CCDC146: variants seen among roughly 807,000 people sequenced by gnomAD.
CCDC146 encodes coiled-coil domain-containing protein 146.
A neutral mutation model predicts 119.3 loss-of-function variants in CCDC146; 92 were observed. The observed-to-expected ratio is 0.77, with a 90% confidence interval of 0.65 to 0.92. The LOEUF (loss-of-function observed/expected upper bound fraction) is 0.92, where lower values mean the gene tolerates loss of function less well. Ranked by LOEUF, CCDC146 falls within the 40% of genes least tolerant of loss-of-function variation. The pLI is 0.00. For missense variants in CCDC146, 1,000 were observed against 1,103.0 expected (o/e 0.91, Z 1.32); for synonymous variants, 372 against 371.8 (o/e 1.00, Z -0.01).
chr7:77,270,952 C>T (rs775176446), intron 9 of CCDC146, among the ~76,000 whole-genome samples: 1 of 152,000 alleles, frequency 6.6e-6, no homozygotes, highest in South Asian at 2.1e-4. Flanking sequence ...AGGACCCCTC[C>T]TCACAGACTT....
At chr7:77,178,485 G>T (rs1584045218) in intron 2 of CCDC146, among the ~76,000 whole-genome samples, 1 of 152,240 alleles carries the variant, frequency 6.6e-6, no homozygotes, top group South Asian at 2.1e-4. Context: ...TACCCTCAGT[G>T]GCCCATCTGT....
intron 1 of CCDC146, among the ~76,000 whole-genome samples, chr7:77,166,750 G>A (rs1472326717): frequency 6.6e-6 from 1 of 152,018 alleles, no homozygotes; most frequent in Non-Finnish European, 1.5e-5. Flanking sequence ...GTAACCTTCA[G>A]AGAACATTTT....
In CCDC146 at chr7:77,274,679, TGATAACTAC is replaced by T. The variant is rs764770936; in HGVS notation, c.1440+28_1440+36del. The T allele has an allele frequency of 6.9e-6, 11 of 1,588,026 alleles. No individual in the cohort carries two copies. In the African/African-American group the frequency reaches 1.4e-4, roughly 20 times the overall value. On this transcript the variant is annotated intron_variant, in intron 11 of 18. Coordinates refer to ENST00000285871, the MANE Select transcript of CCDC146 (RefSeq NM_020879.3). Reference sequence around the variant, plus strand: ...TAACTGCATTTTTTTAACCATTCATTGATAACTACAAGAGTTCAGGGTAGCCTCATTATA... The same window carrying T: ...TAACTGCATTTTTTTAACCATTCATTAAGAGTTCAGGGTAGCCTCATTATA...
At chr7:77,224,026 T>C (rs1792456246) in intron 2 of CCDC146, among the ~76,000 whole-genome samples, 1 of 152,120 alleles carries the variant, frequency 6.6e-6, no homozygotes, top group Non-Finnish European at 1.5e-5. Flanking sequence ...TCCAAGTAGA[T>C]AAGAAGAGAG....
chr7:77,197,862 T>G (rs1791904795), intron 2 of CCDC146, among the ~76,000 whole-genome samples: 1 of 152,178 alleles, frequency 6.6e-6, no homozygotes, highest in Non-Finnish European at 1.5e-5. Flanking sequence ...ATATTGAGGA[T>G]AAGCATAATA....
intron 1 of CCDC146, among the ~76,000 whole-genome samples, chr7:77,125,528 AATTTTAAAGC>A (rs374595301): frequency 4.0e-4 from 60 of 151,492 alleles, no homozygotes; most frequent in Middle Eastern, 3.2e-3. Context: ...ATAAGAAAAC[AATTTTAAAGC>A]ATTTCTTAGC....
chr7:77,276,752 GGAGAGGA>G (rs1299923158), intron 11 of CCDC146, among the ~76,000 whole-genome samples: 5 of 152,192 alleles, frequency 3.3e-5, no homozygotes, highest in Admixed American at 1.3e-4. Context: ...AGCAGGACAA[GGAGAGGA>G]GAGAGGAGAG....
chr7:77,240,982 G>T (rs11973889), intron 3 of CCDC146, among the ~76,000 whole-genome samples: 72,789 of 125,974 alleles, frequency 0.58, 23,399 homozygotes, highest in Non-Finnish European at 0.72. Context: ...GTTTTTTTTT[G>T]TTTGTTTGTT....
chr7:77,236,291 T>A (rs956607840), intron 2 of CCDC146, among the ~76,000 whole-genome samples: 3 of 152,212 alleles, frequency 2.0e-5, no homozygotes, highest in Non-Finnish European at 4.4e-5. Flanking sequence ...TCAAAAGTCA[T>A]TTTAACTAGA....
chr7:77,250,807 A>G (rs186395175), intron 4 of CCDC146, among the ~76,000 whole-genome samples: 2 of 139,372 alleles, frequency 1.4e-5, no homozygotes, highest in East Asian at 4.1e-4. Flanking sequence ...GAGTTCTTGG[A>G]TATTCTGGTA....
chr7:77,145,246 G>T (rs1216450105), intron 1 of CCDC146, among the ~76,000 whole-genome samples: 1 of 151,786 alleles, frequency 6.6e-6, no homozygotes. Context: ...TTGTATTTCT[G>T]TGGGATCAGT....
At chr7:77,271,327 G>A (rs1012865009) in intron 9 of CCDC146, among the ~76,000 whole-genome samples, 3 of 151,266 alleles carry the variant, frequency 2.0e-5, no homozygotes, top group African/African-American at 4.9e-5. Context: ...TCTTTCTCCC[G>A]TGCTGGACCC....
chr7:77,214,643 T>C (rs373452881), intron 2 of CCDC146, among the ~76,000 whole-genome samples: 2 of 152,214 alleles, frequency 1.3e-5, no homozygotes, highest in Non-Finnish European at 2.9e-5. Flanking sequence ...TTCATTCTTC[T>C]GAATATAGCT....
At chr7:77,139,467 T>C (rs982018968) in intron 1 of CCDC146, among the ~76,000 whole-genome samples, 6 of 152,244 alleles carry the variant, frequency 3.9e-5, no homozygotes, top group Non-Finnish European at 7.3e-5. Context: ...TTTGTTCAGA[T>C]ACCTAGAATG....
intron 1 of CCDC146, among the ~76,000 whole-genome samples, chr7:77,126,846 C>G (rs1316201894): frequency 1.3e-5 from 2 of 152,094 alleles, no homozygotes; most frequent in Non-Finnish European, 2.9e-5. Context: ...CCATGAGTCC[C>G]CAAACTGGTA....
chr7:77,136,345 G>C (rs1790859931), intron 1 of CCDC146, among the ~76,000 whole-genome samples: 2 of 152,082 alleles, frequency 1.3e-5, no homozygotes, highest in Non-Finnish European at 2.9e-5. Context: ...TGAAAAGCTG[G>C]TTCTTTGAAA....
chr7:77,252,697 A>G (rs754823122), intron 4 of CCDC146, among the ~76,000 whole-genome samples: 1 of 152,240 alleles, frequency 6.6e-6, no homozygotes, highest in Non-Finnish European at 1.5e-5. Flanking sequence ...GGTATACAGA[A>G]TAAGAAAAGG....
rs139543897 is a variant in CCDC146 at position 77,236,555 on chromosome 7, C to T, written c.157-392C>T. Among the ~76,000 whole-genome samples the T allele has an allele frequency of 3.0e-3, 451 of 152,302 alleles. 5 individuals are homozygous for T. Among genetic ancestry groups the T allele is most frequent in the African/African-American group, 4.1e-3 (169 of 41,578 alleles). ...TTTTAAGAATGAAATAACTGATGGGCAACACATACTCTAATAGCTGTTCAA... is the reference window on the plus strand; with the variant it reads ...TTTTAAGAATGAAATAACTGATGGGTAACACATACTCTAATAGCTGTTCAA... On this transcript the variant is annotated intron_variant, in intron 2 of 18. Transcript: ENST00000285871.
At chr7:77,233,094 G>GTTTTT (rs10645152) in intron 2 of CCDC146, among the ~76,000 whole-genome samples, 1 of 144,678 alleles carries the variant, frequency 6.9e-6, no homozygotes, top group Non-Finnish European at 1.5e-5. Context: ...TCTTTTGTTT[G>GTTTTT]TTTTTTTTTT....
Sources: allele counts gnomAD v4.1 joint callset (sites outside exome capture counted in the v4.1 genomes callset), GRCh38; gene constraint gnomAD v4.1.1; transcripts MANE v1.5; gene names NCBI Gene and HGNC (gene_info 2026-07-23, HGNC 2026-07-21).